Variants in AFF3 observed in about 807,000 individuals in gnomAD.
AFF3 encodes the protein AF4/FMR2 family member 3.
Under a neutral mutation model 129.7 loss-of-function variants are expected in AFF3, and 32 were observed. That is an observed-to-expected ratio of 0.25 (90% CI 0.19 to 0.33). AFF3 has a LOEUF of 0.33. Among genes scored for constraint, AFF3 ranks in the 10% least tolerant of loss-of-function variants. AFF3 has a pLI of 1.00. For missense variants in AFF3, 1,373 were observed against 1,592.0 expected, an observed-to-expected ratio of 0.86 and a Z score of 2.34; for synonymous variants, 644 against 635.4, an observed-to-expected ratio of 1.01 and a Z score of -0.20.
At chr2:99,568,823 G>T (rs1676217645) in intron 19 of AFF3, 29 bp downstream of exon 19, 3 of 1,607,184 alleles carry the variant, frequency 1.9e-6, no homozygotes, top group Non-Finnish European at 2.6e-6. Context: ...TAATTTGGAA[G>T]AACGTATCTG....
chr2:99,551,371 C>T lies in AFF3; in HGVS notation c.*103G>A. ...TTCAATGCTGAGGAAATGTTCACCG[C>T]AGTCTGATAAATGCTGTGGCTGGGA... On this transcript the variant is annotated 3_prime_UTR_variant, in exon 25 of 25. Coordinates refer to ENST00000672756, the MANE Select transcript of AFF3 (RefSeq NM_001386135.1). The T allele has an allele frequency of 6.8e-7, 1 of 1,463,032 alleles. No homozygotes were observed. Among genetic ancestry groups the T allele is most frequent in the African/African-American group, 1.4e-5 (1 of 71,802 alleles). The allele number at this position is 1,463,032 out of a possible 1,614,324, so 90.6% of individuals were successfully genotyped here.
chr2:99,768,200 G>A (rs1308830215), intron 8 of AFF3, among the ~76,000 whole-genome samples: 1 of 151,968 alleles, frequency 6.6e-6, no homozygotes. Flanking sequence ...AATATTTTCT[G>A]CTTAAATAAC....
At chr2:99,667,495 G>C (rs1359928996) in intron 12 of AFF3, among the ~76,000 whole-genome samples, 1 of 151,988 alleles carries the variant, frequency 6.6e-6, no homozygotes, top group Admixed American at 6.6e-5. Context: ...AGCAAGAGGA[G>C]GGAAATAAAG....
intron 18 of AFF3, among the ~76,000 whole-genome samples, chr2:99,577,546 T>C (rs1173668658): frequency 6.6e-6 from 1 of 152,252 alleles, no homozygotes; most frequent in African/African-American, 2.4e-5. Context: ...TTTCTGCTGC[T>C]GCTCCACCCC....
Position 99,546,211 on chromosome 2 carries a change from A to T in AFF3, c.*5263T>A, listed in dbSNP as rs1055106229. The T allele has an allele frequency of 8.6e-6, 2 of 231,624 alleles. No homozygotes were observed. The highest frequency in any genetic ancestry group is 2.2e-5 in the African/African-American group (1 of 45,258). 14.3% of individuals were successfully genotyped at this position (231,624 alleles called of 1,614,324 possible). A position where few individuals can be genotyped will look rare whatever the true frequency, so the allele number is the denominator to read the frequency against. ...TTATAGGGACAGACTTCAGCTGTGT[A>T]GCAGGCAAAGCTACAGAAGAGAACG... On this transcript the variant is annotated 3_prime_UTR_variant, in exon 25 of 25. Transcript: ENST00000672756.
In AFF3 at chr2:99,780,212, T is replaced by C. The variant is rs187541409; in HGVS notation, c.922-27911A>G. Among the ~76,000 whole-genome samples the C allele has an allele frequency of 3.9e-5, 6 of 152,260 alleles. No homozygotes were observed. In the East Asian group the frequency reaches 1.2e-3, roughly 29 times the overall value. On this transcript the variant is annotated intron_variant, in intron 8 of 24. Transcript: ENST00000672756. The stretch of plus-strand genomic sequence containing the variant: ...CAAAACTCTCCATCTAAACTCCCTG[T>C]CCTGATTCCAGTCTGTGCTTCAAGC...
At chr2:100,103,842 C>G (rs1157099133) in intron 4 of AFF3, among the ~76,000 whole-genome samples, 1 of 151,800 alleles carries the variant, frequency 6.6e-6, no homozygotes, top group South Asian at 2.1e-4. Context: ...AATACCGGCA[C>G]GGAGAAACAC....
At chr2:99,689,008 C>T (rs188584058) in intron 11 of AFF3, among the ~76,000 whole-genome samples, 64 of 152,298 alleles carry the variant, frequency 4.2e-4, no homozygotes, top group African/African-American at 1.5e-3. Context: ...GTCCTCTGCA[C>T]GTGGGTTTTG....
chr2:99,703,031 C>A (rs1450980725), intron 11 of AFF3, among the ~76,000 whole-genome samples: 1 of 152,160 alleles, frequency 6.6e-6, no homozygotes, highest in East Asian at 1.9e-4. Flanking sequence ...ATATTAGTTT[C>A]CTATTGCTGC....
intron 4 of AFF3, among the ~76,000 whole-genome samples, chr2:100,051,080 C>T (rs1215480078): frequency 2.6e-5 from 4 of 152,166 alleles, no homozygotes; most frequent in Admixed American, 6.5e-5. Context: ...AAGTTATTTA[C>T]AAGAGTCCTG....
intron 13 of AFF3, among the ~76,000 whole-genome samples, chr2:99,647,352 G>C (rs1684785236): frequency 6.6e-6 from 1 of 152,194 alleles, no homozygotes; most frequent in South Asian, 2.1e-4. Flanking sequence ...CCTTTGCAGA[G>C]ACATGGATGG....
At chr2:100,034,124 A>G (rs1372760158) in intron 4 of AFF3, among the ~76,000 whole-genome samples, 2 of 152,216 alleles carry the variant, frequency 1.3e-5, no homozygotes, top group Non-Finnish European at 2.9e-5. Context: ...CTGACATATT[A>G]GCATTGACAA....
At chr2:100,058,656 C>T (rs185053387) in intron 4 of AFF3, among the ~76,000 whole-genome samples, 114 of 152,224 alleles carry the variant, frequency 7.5e-4, no homozygotes, top group South Asian at 1.5e-3. Flanking sequence ...CAAGAGATCC[C>T]TTCCTCGTAC....
intron 8 of AFF3, among the ~76,000 whole-genome samples, chr2:99,754,757 A>T (rs1681948683): frequency 6.6e-6 from 1 of 152,190 alleles, no homozygotes; most frequent in Non-Finnish European, 1.5e-5. Context: ...GTGATTCTTA[A>T]GGGTGGAAAC....
chr2:100,013,171 C>T (rs1018390627), intron 4 of AFF3, among the ~76,000 whole-genome samples: 3 of 152,024 alleles, frequency 2.0e-5, no homozygotes, highest in Non-Finnish European at 4.4e-5. Flanking sequence ...CTATAAATTG[C>T]GGTATCTTGT....
At chr2:100,021,961 G>C (rs950491730) in intron 4 of AFF3, among the ~76,000 whole-genome samples, 3 of 152,134 alleles carry the variant, frequency 2.0e-5, no homozygotes, top group Non-Finnish European at 4.4e-5. Context: ...AAATGTCTGT[G>C]ACCACAACTT....
chr2:99,895,484 A>G (rs1389075589), intron 7 of AFF3, among the ~76,000 whole-genome samples: 1 of 152,168 alleles, frequency 6.6e-6, no homozygotes, highest in East Asian at 1.9e-4. Flanking sequence ...GCCTTCCCTT[A>G]TATATTATTG....
chr2:100,013,521 T>C (rs1429817473), intron 4 of AFF3, among the ~76,000 whole-genome samples: 1 of 152,152 alleles, frequency 6.6e-6, no homozygotes, highest in Non-Finnish European at 1.5e-5. Flanking sequence ...AACAGCAATG[T>C]CCAAAGTACC....
intron 4 of AFF3, among the ~76,000 whole-genome samples, chr2:100,068,673 T>C (rs1490168389): frequency 6.6e-6 from 1 of 152,188 alleles, no homozygotes; most frequent in Non-Finnish European, 1.5e-5. Flanking sequence ...GCCTCATCCA[T>C]AGCAAGGAAC....
Sources: gnomAD v4.1 joint callset for allele counts (sites outside exome capture counted in the v4.1 genomes callset) on GRCh38, gnomAD v4.1.1 for gene constraint, MANE v1.5 for transcripts, NCBI Gene and HGNC (gene_info 2026-07-23, HGNC 2026-07-21) for gene names.